The following TGFBR2 variants were observed in gnomAD, a reference collection of about 807,000 sequenced individuals.
TGFBR2 encodes the protein transforming growth factor beta receptor 2, also known as TGF-beta receptor type-2.
Under a neutral mutation model 49.0 loss-of-function variants are expected in TGFBR2, and 18 were observed. The ratio of observed to expected loss-of-function variants is 0.37; its 90% confidence interval spans 0.25 to 0.54. The LOEUF (loss-of-function observed/expected upper bound fraction) is 0.54. Among genes scored for constraint, TGFBR2 ranks in the 20% least tolerant of loss-of-function variants. The pLI is 0.85. For missense variants in TGFBR2, 525 were observed against 722.6 expected, an observed-to-expected ratio of 0.73 and a Z score of 3.13; for synonymous variants, 282 against 275.9, an observed-to-expected ratio of 1.02 and a Z score of -0.22.
intron 2 of TGFBR2, among the ~76,000 whole-genome samples, chr3:30,645,836 C>CTCTCTG (rs1698726554): frequency 6.6e-6 from 1 of 151,920 alleles, no homozygotes; most frequent in Admixed American, 6.6e-5. Flanking sequence ...CTCTCTCTCT[C>CTCTCTG]TCTCTCATTC....
chr3:30,665,272 G>A (rs1242120027), intron 3 of TGFBR2, among the ~76,000 whole-genome samples: 4 of 152,196 alleles, frequency 2.6e-5, no homozygotes, highest in Non-Finnish European at 1.5e-5. Context: ...TAAAAGGACA[G>A]CATTCATTTA....
chr3:30,637,571 G>T (rs1698560748), intron 1 of TGFBR2, among the ~76,000 whole-genome samples: 1 of 152,220 alleles, frequency 6.6e-6, no homozygotes, highest in South Asian at 2.1e-4. Context: ...CAAGGGTGGA[G>T]AACTGATCTC....
chr3:30,672,407 G>A lies in TGFBR2; in HGVS notation c.1224G>A (p.Leu408=). Reference sequence around the variant, plus strand: ...TTTCCCTGCGTCTGGACCCTACTCTGTCTGTGGATGACCTGGCTAACAGTG... The same window carrying A: ...TTTCCCTGCGTCTGGACCCTACTCTATCTGTGGATGACCTGGCTAACAGTG... The part of the protein sequence containing the change: ...FGLSLRLDPT[L]SVDDLANSGQ... The change falls in exon 4 of 7, where the codon CTG becomes CTA. Residue 408 remains leucine, a synonymous_variant. Coordinates refer to ENST00000295754, the MANE Select transcript of TGFBR2 (RefSeq NM_003242.6). The surrounding 1 kb of genome is among the most constrained non-coding windows in gnomAD (Gnocchi z 4.5). 3 of 1,614,224 alleles carry A rather than the reference G, an allele frequency of 1.9e-6. No homozygotes were observed. Among genetic ancestry groups the A allele is most frequent in the South Asian group, 2.2e-5 (2 of 91,090 alleles).
intron 5 of TGFBR2, among the ~76,000 whole-genome samples, chr3:30,686,858 A>T (rs570475606): frequency 6.6e-6 from 1 of 152,216 alleles, no homozygotes; most frequent in African/African-American, 2.4e-5. Context: ...TTTTGTTTTA[A>T]TGTTTGGCCA....
intron 3 of TGFBR2, chr3:30,661,738 G>A (rs537597645): frequency 8.1e-6 from 3 of 369,288 alleles, no homozygotes; most frequent in South Asian, 4.1e-5. Flanking sequence ...CCACTTGGTG[G>A]AAGAGGAGGT....
intron 2 of TGFBR2, among the ~76,000 whole-genome samples, chr3:30,649,626 G>A (rs1044186140): frequency 6.6e-6 from 1 of 151,978 alleles, no homozygotes; most frequent in South Asian, 2.1e-4. Context: ...TTGTTTGTTT[G>A]TTTTTTCTGA....
chr3:30,634,368 A>G (rs1240591641), intron 1 of TGFBR2, among the ~76,000 whole-genome samples: 1 of 152,258 alleles, frequency 6.6e-6, no homozygotes, highest in Non-Finnish European at 1.5e-5. Flanking sequence ...TTAATTAAAA[A>G]GCACATCTTC....
intron 1 of TGFBR2, among the ~76,000 whole-genome samples, chr3:30,641,927 C>G (rs1698653862): frequency 6.6e-6 from 1 of 151,926 alleles, no homozygotes; most frequent in Non-Finnish European, 1.5e-5. Flanking sequence ...CTCTCTCTCC[C>G]TACATCCTTC....
rs571220771 is a variant in TGFBR2 at position 30,693,138 on chromosome 3, CAGTT to C, written c.*1542_*1545del. On this transcript the variant is annotated 3_prime_UTR_variant, in exon 7 of 7. Transcript: ENST00000295754. ...TAAAGGGGAACTCCTTTAAGGGTCT[CAGTT>C]AGCCCAAGTTTCTTTTGCTTATATG... 3.9e-5 allele frequency: 9 copies of C among 233,226 alleles called. No homozygotes were observed. The highest frequency in any genetic ancestry group is 6.0e-5 in the East Asian group (1 of 16,708). 14.4% of individuals were successfully genotyped at this position (233,226 alleles called of 1,614,324 possible).
At chr3:30,629,888 T>C (rs144886540) in intron 1 of TGFBR2, among the ~76,000 whole-genome samples, 372 of 152,286 alleles carry the variant, frequency 2.4e-3, no homozygotes, top group Non-Finnish European at 3.2e-3. Flanking sequence ...TGAGCAGTAA[T>C]TGGTATGAAA....
intron 1 of TGFBR2, among the ~76,000 whole-genome samples, chr3:30,633,245 C>G (rs1419374540): frequency 6.6e-6 from 1 of 152,088 alleles, no homozygotes; most frequent in Non-Finnish European, 1.5e-5. Flanking sequence ...GACAAAATTG[C>G]ATGGTGGTTG....
intron 3 of TGFBR2, among the ~76,000 whole-genome samples, chr3:30,664,016 G>A (rs564587169): frequency 2.6e-4 from 40 of 151,630 alleles, no homozygotes; most frequent in Non-Finnish European, 5.7e-4. Context: ...AGATGTTCTC[G>A]TTCTGTTGCC....
intron 3 of TGFBR2, among the ~76,000 whole-genome samples, chr3:30,670,500 G>A (rs1003441548): frequency 6.6e-6 from 1 of 152,184 alleles, no homozygotes; most frequent in Non-Finnish European, 1.5e-5. Context: ...GACACATAAA[G>A]CAATAGAATT....
At position 30,676,070 on chromosome 3, in the gene TGFBR2, ACTAATGTTTTCT is replaced by A. The variant is rs1368664375; in HGVS notation, c.1396+1826_1396+1837del. On this transcript the variant is annotated intron_variant, in intron 5 of 6. Coordinates refer to ENST00000295754, the MANE Select transcript of TGFBR2 (RefSeq NM_003242.6). The surrounding 1 kb of genome is among the most constrained non-coding windows in gnomAD (Gnocchi z 4.3). ...TAGACGGTCTCTCACTTTGGGTTTCACTAATGTTTTCTCATGATTAGATTGAGATTACATATT... is the reference window on the plus strand; with the variant it reads ...TAGACGGTCTCTCACTTTGGGTTTCACATGATTAGATTGAGATTACATATT... Among the ~76,000 whole-genome samples, 1 of 152,212 alleles carries A rather than the reference ACTAATGTTTTCT, an allele frequency of 6.6e-6. No individual in the cohort carries two copies. The highest frequency in any genetic ancestry group is 1.9e-4 in the East Asian group (1 of 5,200).
At position 30,672,084 on chromosome 3, in the gene TGFBR2, C is replaced by T; in HGVS notation, c.901C>T (p.His301Tyr). The change falls in exon 4 of 7, where the codon CAT becomes TAT. Residue 301 changes from histidine to tyrosine, a missense_variant. This residue lies in a region of TGFBR2 where 376 missense variants were observed against 478.2 expected (regional missense o/e 0.79). Coordinates refer to ENST00000295754, the MANE Select transcript of TGFBR2 (RefSeq NM_003242.6). This position sits in a 1 kb window ranked among gnomAD's most constrained non-coding sequence, Gnocchi z 4.5. ...KDIFSDINLK[H>Y]ENILQFLTAE... is the part of the protein sequence containing the mutation. ...CATCTTCTCAGACATCAATCTGAAGCATGAGAACATACTCCAGTTCCTGAC... is the reference window on the plus strand; with the variant it reads ...CATCTTCTCAGACATCAATCTGAAGTATGAGAACATACTCCAGTTCCTGAC... 6.2e-7 allele frequency: 1 copy of T among 1,614,206 alleles called. No individual in the cohort carries two copies. Among genetic ancestry groups the T allele is most frequent in the South Asian group, 1.1e-5 (1 of 91,088 alleles).
At chr3:30,686,012 T>C (rs1194926746) in intron 5 of TGFBR2, among the ~76,000 whole-genome samples, 1 of 152,194 alleles carries the variant, frequency 6.6e-6, no homozygotes, top group African/African-American at 2.4e-5. Context: ...TTTGATTAGA[T>C]TGGATTACAA....
chr3:30,643,494 C>A (rs1043560030), intron 1 of TGFBR2, among the ~76,000 whole-genome samples: 6 of 152,108 alleles, frequency 3.9e-5, no homozygotes, highest in African/African-American at 1.4e-4. Flanking sequence ...CTGTATTTTG[C>A]AAAGAATAGT....
intron 1 of TGFBR2, among the ~76,000 whole-genome samples, chr3:30,612,320 G>A (rs1016379003): frequency 6.6e-5 from 10 of 152,162 alleles, no homozygotes; most frequent in African/African-American, 2.4e-4. Context: ...CTGGGTGCAT[G>A]TATGAGTGTG....
At chr3:30,644,995 A>G in intron 2 of TGFBR2, 80 bp downstream of exon 2, 3 of 1,298,498 alleles carry the variant, frequency 2.3e-6, no homozygotes, top group Non-Finnish European at 3.3e-6. Context: ...CAGTCAGTGT[A>G]TCTCTGTCTC....
Sources: allele counts gnomAD v4.1 joint callset (sites outside exome capture counted in the v4.1 genomes callset), GRCh38; gene constraint gnomAD v4.1.1; regional missense constraint gnomAD v4.1.1; non-coding constraint Gnocchi (gnomAD v3.1); transcripts MANE v1.5; gene names NCBI Gene and HGNC (gene_info 2026-07-23, HGNC 2026-07-21).